PRKN: variants seen among roughly 807,000 people sequenced by gnomAD.
The protein encoded by PRKN is E3 ubiquitin-protein ligase parkin.
PRKN carries 56 observed loss-of-function variants against 59.5 expected under a neutral mutation model. That is an observed-to-expected ratio of 0.94 (90% CI 0.76 to 1.18). The LOEUF is 1.18. Among genes scored for constraint, PRKN ranks in the 50% most tolerant of loss-of-function variants. The pLI is 0.00. For synonymous variants in PRKN, 250 were observed against 222.1 expected, an observed-to-expected ratio of 1.13 and a Z score of -1.12; for missense variants, 657 against 596.4, an observed-to-expected ratio of 1.10 and a Z score of -1.06.
chr6:162,389,892 T>G (rs1187838283), intron 2 of PRKN, among the ~76,000 whole-genome samples: 1 of 152,230 alleles, frequency 6.6e-6, no homozygotes, highest in East Asian at 1.9e-4. Context: ...CTGGCTTTAT[T>G]GCAGAGTTTC....
chr6:162,414,726 A>AAAAAGGT (rs34838356), intron 2 of PRKN, among the ~76,000 whole-genome samples: 1 of 91,870 alleles, frequency 1.1e-5, no homozygotes, highest in Non-Finnish European at 2.1e-5. Context: ...AAAAAAAAAA[A>AAAAAGGT]AGTGAATCTT....
chr6:161,519,017 G>A (rs1172065179), intron 9 of PRKN, among the ~76,000 whole-genome samples: 1 of 152,216 alleles, frequency 6.6e-6, no homozygotes, highest in African/African-American at 2.4e-5. Context: ...TTCAGACAGA[G>A]AGCATAGACA....
chr6:162,723,455 C>T (rs1562526525), intron 1 of PRKN, among the ~76,000 whole-genome samples: 1 of 152,102 alleles, frequency 6.6e-6, no homozygotes, highest in Non-Finnish European at 1.5e-5. Flanking sequence ...AAAGGCACTA[C>T]CCCTAGGGTG....
chr6:162,240,636 CTGAT>C (rs1197918848), intron 3 of PRKN, among the ~76,000 whole-genome samples: 4 of 152,190 alleles, frequency 2.6e-5, no homozygotes, highest in African/African-American at 9.7e-5. Context: ...AAAAATCATA[CTGAT>C]TGTTTACCTC....
intron 9 of PRKN, among the ~76,000 whole-genome samples, chr6:161,509,195 C>G (rs1394371115): frequency 6.7e-5 from 5 of 74,548 alleles, no homozygotes; most frequent in African/African-American, 2.8e-4. Context: ...TATCTAAAGA[C>G]TTTTCTTTTT....
intron 7 of PRKN, among the ~76,000 whole-genome samples, chr6:161,628,902 A>T (rs1783193850): frequency 6.6e-6 from 1 of 152,220 alleles, no homozygotes. Flanking sequence ...GGCAATGAAG[A>T]GAACCATTCG....
At chr6:162,020,351 A>AC (rs1783096254) in intron 5 of PRKN, among the ~76,000 whole-genome samples, 1 of 149,386 alleles carries the variant, frequency 6.7e-6, no homozygotes, top group Non-Finnish European at 1.5e-5. Flanking sequence ...AAAAAAAAAA[A>AC]AAAAAAACAG....
intron 1 of PRKN, among the ~76,000 whole-genome samples, chr6:162,673,697 T>A (rs1175914334): frequency 1.1e-4 from 17 of 152,132 alleles, no homozygotes; most frequent in East Asian, 5.8e-4. Flanking sequence ...AGATTTTTTT[T>A]AAATGTAAAT....
At chr6:161,625,108 G>T (rs1783037017) in intron 7 of PRKN, among the ~76,000 whole-genome samples, 1 of 152,176 alleles carries the variant, frequency 6.6e-6, no homozygotes, top group Non-Finnish European at 1.5e-5. Flanking sequence ...AAAGACACAT[G>T]CACATGTATG....
At chr6:161,794,052 A>C in intron 6 of PRKN, among the ~76,000 whole-genome samples, 1 of 148,106 alleles carries the variant, frequency 6.8e-6, no homozygotes, top group African/African-American at 2.5e-5. Context: ...GTTCCCTTTC[A>C]CTCCTGGGCA....
At chr6:161,358,563 C>T (rs13210239) in intron 11 of PRKN, among the ~76,000 whole-genome samples, 12,462 of 152,016 alleles carry the variant, frequency 0.082, 552 homozygotes, top group Middle Eastern at 0.12. Context: ...TGCAGTGAAC[C>T]GAGATTACGC....
At chr6:161,541,414 C>A (rs1487417511) in intron 9 of PRKN, among the ~76,000 whole-genome samples, 1 of 152,224 alleles carries the variant, frequency 6.6e-6, no homozygotes, top group African/African-American at 2.4e-5. Context: ...GTTTTCAGGA[C>A]TGTTCTGAGC....
intron 3 of PRKN, among the ~76,000 whole-genome samples, chr6:162,255,548 C>T (rs1779607486): frequency 6.6e-6 from 1 of 152,116 alleles, no homozygotes; most frequent in Non-Finnish European, 1.5e-5. Flanking sequence ...GCCAATGATT[C>T]TGCATTTCTG....
intron 1 of PRKN, among the ~76,000 whole-genome samples, chr6:162,534,604 A>G (rs2128197827): frequency 6.6e-6 from 1 of 152,300 alleles, no homozygotes; most frequent in Admixed American, 6.5e-5. Context: ...GGGAGTAATT[A>G]AATCAGCCAA....
chr6:162,426,048 G>A (rs1789223791), intron 2 of PRKN, among the ~76,000 whole-genome samples: 2 of 152,156 alleles, frequency 1.3e-5, no homozygotes. Flanking sequence ...AAAGCTATAC[G>A]CTATGTCTTC....
At position 161,954,358 on chromosome 6, in the gene PRKN, C is replaced by T. The variant is rs1477520896; in HGVS notation, c.734+18944G>A. 3.9e-5 allele frequency among the ~76,000 whole-genome samples: 6 copies of T among 152,152 alleles called. No individual in the cohort carries two copies. In the South Asian group the frequency reaches 1.0e-3, roughly 26 times the overall value. On this transcript the variant is annotated intron_variant, in intron 6 of 11. Transcript: ENST00000366898. The stretch of plus-strand genomic sequence containing the variant: ...CTAATACCACAGAAGCTCTGTATGC[C>T]ACATCACTGATGCCGCCACAGTGAG...
intron 7 of PRKN, among the ~76,000 whole-genome samples, chr6:161,770,682 G>A (rs1182095534): frequency 1.3e-5 from 2 of 152,012 alleles, no homozygotes; most frequent in Non-Finnish European, 2.9e-5. Flanking sequence ...TGGTCAGTCT[G>A]GTCTTGAACT....
chr6:162,676,457 A>G (rs1779547272), intron 1 of PRKN, among the ~76,000 whole-genome samples: 1 of 152,230 alleles, frequency 6.6e-6, no homozygotes, highest in Admixed American at 6.5e-5. Flanking sequence ...ATGGCATAAT[A>G]AATCAGACTG....
At chr6:162,715,084 A>G (rs189451010) in intron 1 of PRKN, among the ~76,000 whole-genome samples, 1 of 152,212 alleles carries the variant, frequency 6.6e-6, no homozygotes, top group Non-Finnish European at 1.5e-5. Context: ...ATTTTCACCA[A>G]AGTCAAGGCA....
Sources: gnomAD v4.1 joint callset for allele counts (sites outside exome capture counted in the v4.1 genomes callset) on GRCh38, gnomAD v4.1.1 for gene constraint, MANE v1.5 for transcripts, NCBI Gene and HGNC (gene_info 2026-07-23, HGNC 2026-07-21) for gene names.